Variants in TIMELESS observed in about 807,000 individuals in gnomAD.
TIMELESS encodes timeless circadian regulator.
TIMELESS carries 124 observed loss-of-function variants against 164.3 expected under a neutral mutation model. The observed-to-expected ratio is 0.75, with a 90% CI of 0.65 to 0.88. The LOEUF (loss-of-function observed/expected upper bound fraction) is 0.88, where lower values mean the gene tolerates loss of function less well. Ranked by LOEUF, TIMELESS falls within the 40% of genes least tolerant of loss-of-function variation. The pLI is 0.00. For synonymous variants in TIMELESS, 564 were observed against 563.4 expected (o/e 1.00, Z -0.02); for missense variants, 1,422 against 1,491.4 (o/e 0.95, Z 0.77).
In TIMELESS at chr12:56,428,413, T is replaced by C. The variant is rs1187643219; in HGVS notation, c.1409-8A>G. 1 of 1,604,994 alleles carries C rather than the reference T, an allele frequency of 6.2e-7. No individual in the cohort carries two copies. Among genetic ancestry groups the C allele is most frequent in the Non-Finnish European group, 8.5e-7 (1 of 1,173,144 alleles). On this transcript the variant is annotated splice_polypyrimidine_tract_variant and splice_region_variant and intron_variant, in intron 12 of 28. Coordinates refer to ENST00000553532, the MANE Select transcript of TIMELESS (RefSeq NM_003920.5). ...TCACATAGAAAATATTGTCTAGGAA[T>C]GGGGAAGAGAAAGGGATGGAAGGGC...
At chr12:56,448,848 C>A (rs1868451307) in intron 1 of TIMELESS, among the ~76,000 whole-genome samples, 1 of 152,202 alleles carries the variant, frequency 6.6e-6, no homozygotes, top group Non-Finnish European at 1.5e-5. Context: ...CAAACCCGAA[C>A]AAGGCAACGA....
chr12:56,421,039 C>T lies in TIMELESS; in HGVS notation c.2964G>A (p.Gly988=). The change falls in exon 24 of 29, where the codon GGG becomes GGA. Residue 988 remains glycine, a synonymous_variant. Coordinates refer to ENST00000553532, the MANE Select transcript of TIMELESS (RefSeq NM_003920.5). ...PEEDSEEEEE[G]GSEAEQVQGS... is the part of the protein sequence containing the mutation. ...CCTGGACTTGTTCTGCTTCTGAGCC[C>T]CCTTCTTCTTCCTCTTCGCTGTCTT... 3 of 1,614,154 alleles carry T rather than the reference C, an allele frequency of 1.9e-6. No individual in the cohort carries two copies. Among genetic ancestry groups the T allele is most frequent in the Non-Finnish European group, 2.5e-6 (3 of 1,180,038 alleles).
chr12:56,438,315 G>A (rs1373154249), intron 1 of TIMELESS, among the ~76,000 whole-genome samples: 1 of 152,098 alleles, frequency 6.6e-6, no homozygotes, highest in African/African-American at 2.4e-5. Flanking sequence ...AAAGTGCAGG[G>A]ATTACAGGCG....
rs527566450 is a variant in TIMELESS, at chr12:56,429,116, G to GA, written c.1087-17dup. 1.6e-4 allele frequency: 245 copies of GA among 1,574,320 alleles called. No homozygotes were observed. Among genetic ancestry groups the GA allele is most frequent in the Middle Eastern group, 3.4e-4 (2 of 5,858 alleles). ...GCAGGTGATCCTGACATTTAAAAAAGAAAAAAAAAGATCACCATGACTCCA... is the reference window on the plus strand; with the variant it reads ...GCAGGTGATCCTGACATTTAAAAAAGAAAAAAAAAAGATCACCATGACTCCA... On this transcript the variant is annotated splice_polypyrimidine_tract_variant and intron_variant, in intron 10 of 28. Coordinates refer to ENST00000553532, the MANE Select transcript of TIMELESS (RefSeq NM_003920.5).
chr12:56,425,482 T>C (rs775993634), intron 13 of TIMELESS, among the ~76,000 whole-genome samples: 2 of 152,208 alleles, frequency 1.3e-5, no homozygotes, highest in African/African-American at 2.4e-5. Context: ...TCAAGAGGTC[T>C]ACAGAATAAG....
intron 1 of TIMELESS, among the ~76,000 whole-genome samples, chr12:56,434,737 AAAAT>A (rs143854969): frequency 2.0e-5 from 3 of 151,904 alleles, no homozygotes; most frequent in Admixed American, 1.3e-4. Flanking sequence ...ACTCTGTCTC[AAAAT>A]AAATAAATAA....
chr12:56,432,559 C>T, intron 6 of TIMELESS, 35 bp from the exon 7 acceptor site: 1 of 1,601,446 alleles, frequency 6.2e-7, no homozygotes, highest in South Asian at 1.1e-5. Context: ...AAAGGAAGCT[C>T]ATTCAATCCC....
Position 56,433,373 on chromosome 12 carries a change from TCA to T in TIMELESS, c.429+6_429+7del. The T allele has an allele frequency of 6.2e-7, 1 of 1,613,690 alleles. No homozygotes were observed. The highest frequency in any genetic ancestry group is 8.5e-7 in the Non-Finnish European group (1 of 1,179,640). Reference sequence around the variant, plus strand: ...CCATGGTATCCTGTAAGGTGAAGACTCACTCACCAGCTGCAGCAGCTCATACA... The same window carrying T: ...CCATGGTATCCTGTAAGGTGAAGACTCTCACCAGCTGCAGCAGCTCATACA... On this transcript the variant is annotated splice_donor_region_variant and intron_variant, in intron 5 of 28. Coordinates refer to ENST00000553532, the MANE Select transcript of TIMELESS (RefSeq NM_003920.5).
chr12:56,421,551 A>C (rs1472436089), intron 22 of TIMELESS, 58 bp from the exon 23 acceptor site: 2 of 1,572,884 alleles, frequency 1.3e-6, no homozygotes, highest in African/African-American at 2.7e-5. Context: ...TGAGTAAAAT[A>C]AATCAGAGGT....
chr12:56,433,844 G>A lies in TIMELESS; in HGVS notation c.180C>T (p.Ile60=). ...DVRQQLGAAQ[I]LQSDLLPILT... ...GGATGGGCAGAAGGTCGCTCTGTAG[G>A]ATCTGGGCTGCCCCCAGCTGCTGCC... is the stretch of plus-strand genomic sequence containing the variant. Residue 60 remains isoleucine, a synonymous_variant, in exon 3 of 29, where the codon ATC becomes ATT. Transcript: ENST00000553532. The A allele has an allele frequency of 6.2e-7, 1 of 1,614,144 alleles. No homozygotes were observed. Among genetic ancestry groups the A allele is most frequent in the East Asian group, 2.2e-5 (1 of 44,888 alleles).
rs748118774 is a variant in TIMELESS, at chr12:56,433,045, G to A, written c.512C>T (p.Ala171Val). 6.2e-7 allele frequency: 1 copy of A among 1,612,598 alleles called. No homozygotes were observed. The highest frequency in any genetic ancestry group is 8.5e-7 in the Non-Finnish European group (1 of 1,179,710). Residue 171 changes from alanine to valine, a missense_variant, in exon 6 of 29, where the codon GCT becomes GTT. Ala to Val is a moderately conservative substitution (Grantham distance 64). Transcript: ENST00000553532. ...CCTCACCTTCTCCTGATCAAGGTCAGCTGGGACATGGAGAATATTTCTGAC... is the reference window on the plus strand; with the variant it reads ...CCTCACCTTCTCCTGATCAAGGTCAACTGGGACATGGAGAATATTTCTGAC... ...LLVRNILHVPADLDQEKKIDD... is the reference protein window; with the variant it reads ...LLVRNILHVPVDLDQEKKIDD...
intron 8 of TIMELESS, 68 bp from the exon 9 acceptor site, chr12:56,431,036 T>A (rs1040013790): frequency 3.6e-6 from 4 of 1,122,320 alleles, no homozygotes; most frequent in Middle Eastern, 2.0e-4. Flanking sequence ...TTCTCTATCA[T>A]CGGCACATTG....
At chr12:56,426,385 CTT>C (rs35546587) in intron 13 of TIMELESS, among the ~76,000 whole-genome samples, 34 of 137,056 alleles carry the variant, frequency 2.5e-4, no homozygotes, top group African/African-American at 4.8e-4. Context: ...GGTACAAAAT[CTT>C]TTTTTTTTTT....
chr12:56,429,024 A>T lies in TIMELESS; in HGVS notation c.1163T>A (p.Phe388Tyr). The T allele has an allele frequency of 6.2e-7, 1 of 1,614,154 alleles. No homozygotes were observed. The highest frequency in any genetic ancestry group is 8.5e-7 in the Non-Finnish European group (1 of 1,180,022). Residue 388 changes from phenylalanine to tyrosine, a missense_variant, in exon 11 of 29, where the codon TTC becomes TAC. Transcript: ENST00000553532. ...YMWALAFFMA[F>Y]NRAASFRPGL... ...TGGCCGGAAGGAGGCAGCTCGGTTGAAGGCCATGAAGAAAGCCAAGGCCCA... is the reference window on the plus strand; with the variant it reads ...TGGCCGGAAGGAGGCAGCTCGGTTGTAGGCCATGAAGAAAGCCAAGGCCCA...
intron 26 of TIMELESS, 143 bp from the exon 27 acceptor site, chr12:56,418,502 T>C (rs1007561566): frequency 4.9e-5 from 30 of 614,316 alleles, no homozygotes; most frequent in East Asian, 4.0e-4. Flanking sequence ...TACTATCTAA[T>C]ATATACCCAG....
intron 9 of TIMELESS, among the ~76,000 whole-genome samples, chr12:56,430,529 T>A (rs1881841536): frequency 6.7e-6 from 1 of 150,200 alleles, no homozygotes; most frequent in South Asian, 2.1e-4. Context: ...CCATGCTCAG[T>A]TAGTATTTTT....
rs757389838 is a variant in TIMELESS, at chr12:56,430,944, A to G, written c.846T>C (p.Tyr282=). 6.3e-7 allele frequency: 1 copy of G among 1,591,996 alleles called. No homozygotes were observed. Among genetic ancestry groups the G allele is most frequent in the South Asian group, 1.1e-5 (1 of 87,542 alleles). The change falls in exon 9 of 29, where the codon TAT becomes TAC. Residue 282 remains tyrosine, a synonymous_variant. Coordinates refer to ENST00000553532, the MANE Select transcript of TIMELESS (RefSeq NM_003920.5). ...CAATGGATTTCAACCCCTGGACAAT[A>G]TAGGAGCCCCCAAATCGAGAATGCC... The part of the protein sequence containing the change: ...GNRHSRFGGS[Y]IVQGLKSIGE...
At chr12:56,443,263 T>C (rs1313255518) in intron 1 of TIMELESS, among the ~76,000 whole-genome samples, 1 of 152,128 alleles carries the variant, frequency 6.6e-6, no homozygotes, top group Non-Finnish European at 1.5e-5. Context: ...TATTAATAAT[T>C]GATAACCCTG....
chr12:56,436,728 T>C (rs938738627), intron 1 of TIMELESS, among the ~76,000 whole-genome samples: 2 of 152,168 alleles, frequency 1.3e-5, no homozygotes, highest in African/African-American at 2.4e-5. Context: ...TTATCCTTAT[T>C]TTTCTCATTT....
Sources: allele counts gnomAD v4.1 joint callset (sites outside exome capture counted in the v4.1 genomes callset), GRCh38; gene constraint gnomAD v4.1.1; transcripts MANE v1.5; gene names NCBI Gene and HGNC (gene_info 2026-07-23, HGNC 2026-07-21).